The following PGR variants were observed in gnomAD, a reference collection of about 807,000 sequenced individuals.
The protein encoded by PGR is nuclear receptor subfamily 3 group C member 3.
Under a neutral mutation model 76.1 loss-of-function variants are expected in PGR, and 25 were observed. That is an observed-to-expected ratio of 0.33 (90% CI 0.24 to 0.46). The LOEUF is 0.46. PGR is among the 20% of genes least tolerant of loss of function. The pLI is 1.00. For synonymous variants in PGR, 579 were observed against 535.0 expected (o/e 1.08, Z -1.14); for missense variants, 1,172 against 1,225.3 (o/e 0.96, Z 0.65).
At chr11:101,061,714 A>C (rs940580781) in intron 4 of PGR, among the ~76,000 whole-genome samples, 2 of 152,212 alleles carry the variant, frequency 1.3e-5, no homozygotes, top group Non-Finnish European at 2.9e-5. Context: ...ATTGCTATAC[A>C]TGTATTCTCC....
At position 101,129,024 on chromosome 11, in the gene PGR, C is replaced by T. The variant is rs962434146; in HGVS notation, c.47G>A (p.Gly16Asp). 7.7e-6 allele frequency: 12 copies of T among 1,567,256 alleles called. No individual in the cohort carries two copies. Among genetic ancestry groups the T allele is most frequent in the Middle Eastern group, 1.7e-4 (1 of 5,920 alleles). The change falls in exon 1 of 8, where the codon GGC (glycine) becomes GAC (aspartate). Residue 16 changes from glycine to aspartate, a missense_variant. Gly to Asp is a moderately conservative substitution (Grantham distance 94). Around this residue, in one of 4 missense-constraint regions of PGR, gnomAD observed 893 missense variants for 785.9 expected, o/e 1.14. Transcript: ENST00000325455. ...TCCGACCTCGGGGGAGGGCGGGCCG[C>T]CCGCCACGTGGGGAGCCCGGGGACC... Reference protein sequence around the residue: ...AKGPRAPHVAGGPPSPEVGSP... With the variant: ...AKGPRAPHVADGPPSPEVGSP...
At chr11:101,071,820 G>A (rs956348237) in intron 3 of PGR, among the ~76,000 whole-genome samples, 5 of 152,022 alleles carry the variant, frequency 3.3e-5, no homozygotes, top group Middle Eastern at 3.2e-3. Context: ...AAGAAATATG[G>A]GACTATGTGA....
intron 3 of PGR, among the ~76,000 whole-genome samples, chr11:101,080,838 A>G (rs747524365): frequency 3.9e-5 from 6 of 152,120 alleles, no homozygotes; most frequent in Admixed American, 6.6e-5. Flanking sequence ...TTATATTTTG[A>G]AATTCGTTAT....
In PGR at chr11:101,030,958, C is replaced by T. The variant is rs1310925400; in HGVS notation, c.*8158G>A. ...AAAGTTGAAGGAGGTGAGATTCAGA[C>T]AAGTAAAGGGAAGTCCAGGAAGATC... On this transcript the variant is annotated 3_prime_UTR_variant, in exon 8 of 8. Coordinates refer to ENST00000325455, the MANE Select transcript of PGR (RefSeq NM_000926.4). The T allele has an allele frequency of 5.3e-6, 1 of 187,790 alleles. No homozygotes were observed. Among genetic ancestry groups the T allele is most frequent in the African/African-American group, 2.3e-5 (1 of 42,808 alleles). The allele number at this position is 187,790 out of a possible 1,614,324, so 11.6% of individuals were successfully genotyped here. A position where few individuals can be genotyped will look rare whatever the true frequency, so the allele number is the denominator to read the frequency against.
chr11:101,031,734 G>C lies in PGR; in HGVS notation c.*7382C>G, dbSNP rs535976740. Reference sequence around the variant, plus strand: ...GTAGGCTTTTAAATGGGCTTTGATGGAACTTGGTTCCATAGAAGGAATCCC... The same window carrying C: ...GTAGGCTTTTAAATGGGCTTTGATGCAACTTGGTTCCATAGAAGGAATCCC... On this transcript the variant is annotated 3_prime_UTR_variant, in exon 8 of 8. Transcript: ENST00000325455. 8.2e-4 allele frequency: 185 copies of C among 226,822 alleles called. 1 individual carries two copies. Among genetic ancestry groups the C allele is most frequent in the South Asian group, 1.6e-3 (9 of 5,458 alleles). 14.1% of individuals were successfully genotyped at this position (226,822 alleles called of 1,614,324 possible). A position where few individuals can be genotyped will look rare whatever the true frequency, so the allele number is the denominator to read the frequency against.
intron 4 of PGR, among the ~76,000 whole-genome samples, chr11:101,055,584 A>T (rs1282379698): frequency 6.6e-6 from 1 of 152,080 alleles, no homozygotes; most frequent in Admixed American, 6.6e-5. Context: ...GTATTTTATA[A>T]TATTTAAATA....
intron 3 of PGR, among the ~76,000 whole-genome samples, chr11:101,076,381 G>C (rs999387457): frequency 1.3e-5 from 2 of 151,820 alleles, no homozygotes; most frequent in African/African-American, 2.4e-5. Flanking sequence ...TGGGTTGATG[G>C]GTGCAGCAAA....
intron 3 of PGR, among the ~76,000 whole-genome samples, chr11:101,082,678 G>C (rs780250590): frequency 6.6e-6 from 1 of 152,098 alleles, no homozygotes; most frequent in Admixed American, 6.5e-5. Flanking sequence ...GATGATTTGG[G>C]GTATCTGGTG....
chr11:101,085,617 T>C (rs1400149336), intron 3 of PGR, among the ~76,000 whole-genome samples: 4 of 140,520 alleles, frequency 2.8e-5, no homozygotes, highest in East Asian at 4.2e-4. Flanking sequence ...CCAAATGAAA[T>C]TGAGACCCAA....
At chr11:101,066,315 C>G (rs1860712690) in intron 3 of PGR, among the ~76,000 whole-genome samples, 1 of 152,158 alleles carries the variant, frequency 6.6e-6, no homozygotes, top group East Asian at 1.9e-4. Context: ...TTGATCGTTT[C>G]CTTCTTCTTT....
chr11:101,087,125 C>T (rs992780165), intron 3 of PGR, among the ~76,000 whole-genome samples: 5 of 152,098 alleles, frequency 3.3e-5, no homozygotes, highest in African/African-American at 1.2e-4. Context: ...CAAATAACTA[C>T]AGCAGTCCTA....
chr11:101,085,143 A>G (rs1359033394), intron 3 of PGR, among the ~76,000 whole-genome samples: 1 of 152,178 alleles, frequency 6.6e-6, no homozygotes, highest in Non-Finnish European at 1.5e-5. Context: ...AATTCTTCTC[A>G]TCTGTACACA....
chr11:101,047,258 C>G (rs530540926), intron 6 of PGR, among the ~76,000 whole-genome samples: 1 of 152,196 alleles, frequency 6.6e-6, no homozygotes, highest in Admixed American at 6.5e-5. Flanking sequence ...CATAATGTTG[C>G]CTATCCATAA....
chr11:101,039,747 G>A (rs946942504), intron 7 of PGR, among the ~76,000 whole-genome samples: 1 of 152,044 alleles, frequency 6.6e-6, no homozygotes, highest in East Asian at 1.9e-4. Context: ...TGAAAGTCAA[G>A]TAGTACCACA....
At chr11:101,100,605 CCACACACACACA>C (rs10682415) in intron 2 of PGR, among the ~76,000 whole-genome samples, 2 of 147,578 alleles carry the variant, frequency 1.4e-5, no homozygotes, top group Admixed American at 1.4e-4. Flanking sequence ...TATTTTGAAT[CCACACACACACA>C]CACACACACA....
chr11:101,107,586 T>TA (rs1027495070), intron 2 of PGR, among the ~76,000 whole-genome samples: 6 of 152,124 alleles, frequency 3.9e-5, no homozygotes, highest in African/African-American at 1.4e-4. Flanking sequence ...GACAGCTACA[T>TA]AAAAAACATT....
intron 5 of PGR, 44 bp downstream of exon 5, chr11:101,051,380 C>T (rs749198023): frequency 6.1e-6 from 8 of 1,303,192 alleles, no homozygotes; most frequent in African/African-American, 2.9e-5. Context: ...AATTATCCTA[C>T]ATGTACACTT....
chr11:101,112,750 A>G (rs564224748), intron 2 of PGR, among the ~76,000 whole-genome samples: 1 of 152,182 alleles, frequency 6.6e-6, no homozygotes, highest in Non-Finnish European at 1.5e-5. Context: ...TTCAGCTAGC[A>G]AGTATCTACT....
rs531167115 is a variant in PGR at position 101,043,205 on chromosome 11, C to T, written c.2489-1103G>A. Among the ~76,000 whole-genome samples, 28 of 152,268 alleles carry T rather than the reference C, an allele frequency of 1.8e-4. 1 individual carries two copies. The Middle Eastern group carries it at 0.01, about 55-fold the overall frequency. On this transcript the variant is annotated intron_variant, in intron 6 of 7. Transcript: ENST00000325455. ...TTATCAACTAAGTTTATGTAATCTCCGAAATCCTTTGTTGTCACTTCAATA... is the reference window on the plus strand; with the variant it reads ...TTATCAACTAAGTTTATGTAATCTCTGAAATCCTTTGTTGTCACTTCAATA...
Sources: allele counts gnomAD v4.1 joint callset (sites outside exome capture counted in the v4.1 genomes callset), GRCh38; gene constraint gnomAD v4.1.1; regional missense constraint gnomAD v4.1.1; transcripts MANE v1.5; gene names NCBI Gene and HGNC (gene_info 2026-07-23, HGNC 2026-07-21).